NTNG1: variants seen among roughly 807,000 people sequenced by gnomAD.
NTNG1 encodes the protein netrin-G1.
Under a neutral mutation model 54.0 loss-of-function variants are expected in NTNG1, and 16 were observed. The ratio of observed to expected loss-of-function variants is 0.30; its 90% CI spans 0.20 to 0.45. The LOEUF (loss-of-function observed/expected upper bound fraction) is 0.45. NTNG1 is among the 20% of genes least tolerant of loss of function. The pLI is 1.00. For synonymous variants in NTNG1, 255 were observed against 263.1 expected, an observed-to-expected ratio of 0.97 and a Z score of 0.30; for missense variants, 530 against 678.7, an observed-to-expected ratio of 0.78 and a Z score of 2.43.
chr1:107,357,681 A>G (rs540321309), intron 3 of NTNG1, among the ~76,000 whole-genome samples: 171 of 152,036 alleles, frequency 1.1e-3, no homozygotes, highest in Middle Eastern at 0.01. Flanking sequence ...GAAAAAAATT[A>G]TTTTTTGACA....
intron 2 of NTNG1, among the ~76,000 whole-genome samples, chr1:107,184,441 G>T (rs904421102): frequency 6.6e-6 from 1 of 152,094 alleles, no homozygotes; most frequent in Non-Finnish European, 1.5e-5. Flanking sequence ...ATGGCCGGTT[G>T]TTGCCACTGA....
At chr1:107,301,735 C>A (rs995293035) in intron 2 of NTNG1, among the ~76,000 whole-genome samples, 1 of 152,156 alleles carries the variant, frequency 6.6e-6, no homozygotes, top group Non-Finnish European at 1.5e-5. Context: ...TTCTACGCAA[C>A]ACAAGTTCAA....
intron 4 of NTNG1, among the ~76,000 whole-genome samples, chr1:107,401,588 T>C (rs1673041738): frequency 6.6e-6 from 1 of 152,120 alleles, no homozygotes; most frequent in African/African-American, 2.4e-5. Flanking sequence ...CTATAAATAA[T>C]ACCCTCACAC....
At chr1:107,465,582 T>C (rs147435379) in intron 7 of NTNG1, among the ~76,000 whole-genome samples, 1 of 152,298 alleles carries the variant, frequency 6.6e-6, no homozygotes, top group Non-Finnish European at 1.5e-5. Context: ...GCTTAAACAC[T>C]CACAGAAATA....
At chr1:107,446,730 C>T (rs1676329379) in intron 7 of NTNG1, among the ~76,000 whole-genome samples, 1 of 152,034 alleles carries the variant, frequency 6.6e-6, no homozygotes, top group Admixed American at 6.6e-5. Flanking sequence ...TGTTAAAATG[C>T]ATATATGTTT....
intron 7 of NTNG1, among the ~76,000 whole-genome samples, chr1:107,457,051 G>A (rs776817429): frequency 2.0e-5 from 3 of 152,152 alleles, no homozygotes; most frequent in Non-Finnish European, 4.4e-5. Context: ...AGTACAACTA[G>A]GTTATATTAT....
At chr1:107,211,246 AC>A (rs1401641280) in intron 2 of NTNG1, among the ~76,000 whole-genome samples, 1 of 151,970 alleles carries the variant, frequency 6.6e-6, no homozygotes, top group Non-Finnish European at 1.5e-5. Context: ...CTACTTTTTC[AC>A]AAAATTCCAT....
intron 2 of NTNG1, among the ~76,000 whole-genome samples, chr1:107,293,899 T>G (rs1056713624): frequency 1.3e-5 from 2 of 152,200 alleles, no homozygotes; most frequent in African/African-American, 4.8e-5. Context: ...TTTTTTTTCT[T>G]GTGTATATTT....
intron 6 of NTNG1, among the ~76,000 whole-genome samples, chr1:107,431,531 C>G (rs1303182373): frequency 6.6e-6 from 1 of 152,064 alleles, no homozygotes; most frequent in Non-Finnish European, 1.5e-5. Flanking sequence ...AACTAATTAT[C>G]TTAGCCCTGG....
At chr1:107,329,095 CATA>C (rs1466231668) in intron 3 of NTNG1, 1 of 152,146 alleles carries the variant, frequency 6.6e-6, no homozygotes, top group Non-Finnish European at 1.5e-5. Flanking sequence ...AGTTGACTGC[CATA>C]ATAGTGAACA....
chr1:107,190,234 G>A (rs1657800238), intron 2 of NTNG1, among the ~76,000 whole-genome samples: 1 of 152,044 alleles, frequency 6.6e-6, no homozygotes, highest in Non-Finnish European at 1.5e-5. Context: ...GAGAAGGATT[G>A]TGGTAATGGT....
intron 5 of NTNG1, among the ~76,000 whole-genome samples, chr1:107,419,360 C>G (rs1376688252): frequency 6.6e-6 from 1 of 151,630 alleles, no homozygotes; most frequent in Non-Finnish European, 1.5e-5. Context: ...AATCTGTTCT[C>G]TTTCTGTCCT....
At chr1:107,160,061 G>A (rs1655297472) in intron 2 of NTNG1, among the ~76,000 whole-genome samples, 3 of 152,152 alleles carry the variant, frequency 2.0e-5, no homozygotes, top group Non-Finnish European at 4.4e-5. Context: ...TAGTTAGTGT[G>A]ATGCTTTTGT....
intron 2 of NTNG1, among the ~76,000 whole-genome samples, chr1:107,209,669 C>A (rs1177537153): frequency 6.6e-6 from 1 of 152,150 alleles, no homozygotes; most frequent in Non-Finnish European, 1.5e-5. Context: ...AAGGTATTCC[C>A]CTAGAATTTT....
intron 2 of NTNG1, among the ~76,000 whole-genome samples, chr1:107,167,378 A>G (rs936469646): frequency 6.6e-6 from 1 of 151,898 alleles, no homozygotes; most frequent in African/African-American, 2.4e-5. Flanking sequence ...ATTCTATATG[A>G]TTTATTATTA....
At chr1:107,271,204 T>C (rs1664122959) in intron 2 of NTNG1, among the ~76,000 whole-genome samples, 1 of 152,206 alleles carries the variant, frequency 6.6e-6, no homozygotes, top group African/African-American at 2.4e-5. Flanking sequence ...TAAGAATTTT[T>C]TTTTATTATT....
chr1:107,250,395 G>A (rs1310032550), intron 2 of NTNG1, among the ~76,000 whole-genome samples: 1 of 152,056 alleles, frequency 6.6e-6, no homozygotes, highest in Non-Finnish European at 1.5e-5. Context: ...AACCCTGAGG[G>A]TTGAGCCCAG....
intron 3 of NTNG1, among the ~76,000 whole-genome samples, chr1:107,333,436 A>G (rs1220149425): frequency 2.6e-5 from 4 of 152,074 alleles, no homozygotes; most frequent in African/African-American, 9.7e-5. Context: ...TATGAGAATC[A>G]CAATGTATAT....
At chr1:107,185,622 T>C (rs182846565) in intron 2 of NTNG1, among the ~76,000 whole-genome samples, 2 of 152,318 alleles carry the variant, frequency 1.3e-5, no homozygotes, top group Admixed American at 1.3e-4. Flanking sequence ...TGGGACACTA[T>C]TGAAGTCAGA....
Sources: allele counts gnomAD v4.1 joint callset (sites outside exome capture counted in the v4.1 genomes callset), GRCh38; gene constraint gnomAD v4.1.1; transcripts MANE v1.5; gene names NCBI Gene and HGNC (gene_info 2026-07-23, HGNC 2026-07-21).